RNF185: variants seen among roughly 807,000 people sequenced by gnomAD.
The protein encoded by RNF185 is ring finger protein 185.
In RNF185, 13 loss-of-function variants were observed where a neutral mutation model predicts 24.9. That is an observed-to-expected ratio of 0.52 (90% CI 0.34 to 0.83). RNF185 has a LOEUF of 0.83. RNF185 is among the 40% of genes least tolerant of loss of function. RNF185 has a pLI of 0.01. For missense variants in RNF185, 184 were observed against 244.7 expected, an observed-to-expected ratio of 0.75 and a Z score of 1.65; for synonymous variants, 79 against 90.3, an observed-to-expected ratio of 0.88 and a Z score of 0.71.
chr22:31,162,616 A>C (rs910235896), intron 1 of RNF185, among the ~76,000 whole-genome samples: 1 of 92,418 alleles, frequency 1.1e-5, no homozygotes, highest in Non-Finnish European at 2.1e-5. Flanking sequence ...TTGATGTCAA[A>C]TCTTTTTTTT....
chr22:31,189,544 A>C (rs1392715010), intron 2 of RNF185, among the ~76,000 whole-genome samples: 4 of 148,722 alleles, frequency 2.7e-5, no homozygotes, highest in Non-Finnish European at 4.5e-5. Flanking sequence ...TGATCTGCCC[A>C]CCCCGACCTC....
intron 2 of RNF185, among the ~76,000 whole-genome samples, chr22:31,191,718 G>A (rs921576133): frequency 7.9e-5 from 12 of 151,546 alleles, no homozygotes; most frequent in African/African-American, 2.2e-4. Flanking sequence ...TATAATCCCA[G>A]CTACTCAGGA....
chr22:31,180,491 C>A (rs1233504268), intron 1 of RNF185, among the ~76,000 whole-genome samples: 3 of 150,712 alleles, frequency 2.0e-5, no homozygotes, highest in African/African-American at 7.3e-5. Flanking sequence ...AAAAGTAATA[C>A]AGTTGAGTAT....
chr22:31,166,899 C>T (rs999596459), intron 1 of RNF185, among the ~76,000 whole-genome samples: 127 of 152,264 alleles, frequency 8.3e-4, no homozygotes, highest in African/African-American at 3.0e-3. Flanking sequence ...ATCCACCCAC[C>T]TCAGCCTCCC....
At chr22:31,203,892 T>G (rs544158176) in intron 6 of RNF185, among the ~76,000 whole-genome samples, 15 of 150,142 alleles carry the variant, frequency 1.0e-4, no homozygotes, top group Admixed American at 2.0e-4. Flanking sequence ...AAAAAAAAAA[T>G]TAGCCGGGTG....
rs2413038 is a variant in RNF185, at chr22:31,204,826, C to T, written c.*240C>T. The T allele has an allele frequency of 6.7e-6, 3 of 444,786 alleles. 1 individual carries two copies. Among genetic ancestry groups the T allele is most frequent in the South Asian group, 5.7e-5 (2 of 35,092 alleles). The allele number at this position is 444,786 out of a possible 1,614,324, so 27.6% of individuals were successfully genotyped here. On this transcript the variant is annotated 3_prime_UTR_variant, in exon 7 of 7. Transcript: ENST00000326132. ...CAGGCCTTGGCATTGAGTCATCTCT[C>T]ATGGGTGACACCATGAAATCTTGTT...
At chr22:31,187,352 C>A in intron 2 of RNF185, 82 bp downstream of exon 2, 2 of 1,454,590 alleles carry the variant, frequency 1.4e-6, no homozygotes, top group Non-Finnish European at 1.9e-6. Flanking sequence ...GAGCAGAATG[C>A]TTCCTGCTCA....
intron 1 of RNF185, among the ~76,000 whole-genome samples, chr22:31,178,631 A>C (rs1016141364): frequency 6.6e-6 from 1 of 152,182 alleles, no homozygotes; most frequent in African/African-American, 2.4e-5. Flanking sequence ...AGAATTCTTA[A>C]AATTAATCTA....
At chr22:31,189,135 A>ATGTGTGTGTGTGTGTGTG (rs202051750) in intron 2 of RNF185, among the ~76,000 whole-genome samples, 2 of 136,872 alleles carry the variant, frequency 1.5e-5, no homozygotes, top group African/African-American at 2.7e-5. Flanking sequence ...CAAAAAAAAA[A>ATGTGTGTGTGTGTGTGTG]TGTGTGTGTG....
intron 1 of RNF185, among the ~76,000 whole-genome samples, chr22:31,184,096 G>A (rs1273591047): frequency 3.3e-5 from 5 of 151,476 alleles, no homozygotes; most frequent in Admixed American, 6.6e-5. Flanking sequence ...CTGGCCGGGC[G>A]GGGGCTGCCC....
At chr22:31,168,510 A>G (rs1924075083) in intron 1 of RNF185, among the ~76,000 whole-genome samples, 1 of 152,240 alleles carries the variant, frequency 6.6e-6, no homozygotes, top group African/African-American at 2.4e-5. Flanking sequence ...TATTGTGAAT[A>G]CTGCTACTGT....
intron 1 of RNF185, among the ~76,000 whole-genome samples, chr22:31,165,918 C>A (rs1274985378): frequency 2.0e-5 from 3 of 152,230 alleles, no homozygotes; most frequent in African/African-American, 7.2e-5. Context: ...CATAACCAAA[C>A]CATCTTGGAC....
chr22:31,200,560 C>T (rs1031732572), intron 5 of RNF185, among the ~76,000 whole-genome samples: 2 of 152,178 alleles, frequency 1.3e-5, no homozygotes, highest in African/African-American at 2.4e-5. Flanking sequence ...ACAGAGCTCA[C>T]GCTTTAAAAA....
At chr22:31,168,821 C>A (rs560566655) in intron 1 of RNF185, among the ~76,000 whole-genome samples, 53 of 152,216 alleles carry the variant, frequency 3.5e-4, no homozygotes, top group South Asian at 1.7e-3. Flanking sequence ...ATGTTGAGCA[C>A]CCTTCTGTGT....
intron 1 of RNF185, among the ~76,000 whole-genome samples, chr22:31,163,333 AT>A (rs34873433): frequency 7.1e-4 from 103 of 144,462 alleles, no homozygotes; most frequent in Admixed American, 6.9e-4. Flanking sequence ...CATCGTGTAC[AT>A]TTTTTTTTTT....
intron 1 of RNF185, among the ~76,000 whole-genome samples, chr22:31,165,207 T>C (rs1319237182): frequency 6.6e-6 from 1 of 152,084 alleles, no homozygotes; most frequent in Non-Finnish European, 1.5e-5. Flanking sequence ...TGTGAGCCAC[T>C]GCGCCTGGCC....
chr22:31,196,069 C>T (rs2048202565), intron 4 of RNF185, among the ~76,000 whole-genome samples: 1 of 152,214 alleles, frequency 6.6e-6, no homozygotes, highest in Admixed American at 6.5e-5. Context: ...TCCAGCTACC[C>T]TAGCATATGC....
intron 2 of RNF185, among the ~76,000 whole-genome samples, chr22:31,190,288 T>C (rs938623298): frequency 6.6e-6 from 1 of 152,130 alleles, no homozygotes; most frequent in African/African-American, 2.4e-5. Flanking sequence ...ATTTTTTGTT[T>C]GTTTGTTTGT....
intron 5 of RNF185, among the ~76,000 whole-genome samples, chr22:31,198,598 C>T (rs2048230111): frequency 6.6e-6 from 1 of 150,822 alleles, no homozygotes; most frequent in Admixed American, 6.6e-5. Context: ...GAGGTTTCTC[C>T]ATGTTGGTCA....
Sources: allele counts gnomAD v4.1 joint callset (sites outside exome capture counted in the v4.1 genomes callset), GRCh38; gene constraint gnomAD v4.1.1; transcripts MANE v1.5; gene names NCBI Gene and HGNC (gene_info 2026-07-23, HGNC 2026-07-21).